Variants in HFM1 observed in about 807,000 individuals in gnomAD.
HFM1 encodes the protein helicase for meiosis 1, also known as probable ATP-dependent DNA helicase HFM1.
Under a neutral mutation model 192.1 loss-of-function variants are expected in HFM1, and 169 were observed. The ratio of observed to expected loss-of-function variants is 0.88; its 90% CI spans 0.78 to 1.00. HFM1 has a LOEUF of 1.00. Among genes scored for constraint, HFM1 ranks in the 50% least tolerant of loss-of-function variants. The pLI, the probability that HFM1 is intolerant of heterozygous loss-of-function variation, is 0.00. For synonymous variants in HFM1, 525 were observed against 537.8 expected (o/e 0.98, Z 0.33); for missense variants, 1,661 against 1,668.0 (o/e 1.00, Z 0.07).
At position 91,385,842 on chromosome 1, in the gene HFM1, CAA is replaced by C; in HGVS notation, c.495-10_495-9del. On this transcript the variant is annotated splice_polypyrimidine_tract_variant and intron_variant, in intron 4 of 38. Coordinates refer to ENST00000370425, the MANE Select transcript of HFM1 (RefSeq NM_001017975.6). ...TCAGATATTTTAAATAATCTGCAAA[CAA>C]AAAAAAGACCCACATATTTTCTCAC... 1 of 1,571,586 alleles carries C rather than the reference CAA, an allele frequency of 6.4e-7. No individual in the cohort carries two copies. The highest frequency in any genetic ancestry group is 8.6e-7 in the Non-Finnish European group (1 of 1,159,268).
chr1:91,273,087 G>T (rs1666468551), intron 34 of HFM1, among the ~76,000 whole-genome samples: 1 of 151,908 alleles, frequency 6.6e-6, no homozygotes, highest in Non-Finnish European at 1.5e-5. Context: ...GATGAACCAG[G>T]CAGTGTTGAA....
chr1:91,401,460 A>G (rs1571254065), intron 1 of HFM1, among the ~76,000 whole-genome samples: 1 of 152,370 alleles, frequency 6.6e-6, no homozygotes, highest in East Asian at 1.9e-4. Flanking sequence ...TCCTCAAGGC[A>G]GAATTAATCA....
At chr1:91,334,017 G>A (rs1654215465) in intron 20 of HFM1, among the ~76,000 whole-genome samples, 2 of 152,210 alleles carry the variant, frequency 1.3e-5, no homozygotes, top group African/African-American at 2.4e-5. Flanking sequence ...TGGATCTTGA[G>A]AAGGGTTTTT....
chr1:91,268,103 T>C (rs2100709347), intron 34 of HFM1, among the ~76,000 whole-genome samples: 1 of 152,182 alleles, frequency 6.6e-6, no homozygotes, highest in East Asian at 1.9e-4. Flanking sequence ...GTAATAGTTT[T>C]CAAAGGCATT....
At chr1:91,290,084 G>A (rs987167323) in intron 30 of HFM1, among the ~76,000 whole-genome samples, 10 of 152,020 alleles carry the variant, frequency 6.6e-5, no homozygotes, top group African/African-American at 1.5e-4. Flanking sequence ...GGTACCAGCC[G>A]CTGCAAAATC....
intron 32 of HFM1, among the ~76,000 whole-genome samples, chr1:91,275,158 A>G (rs1418678000): frequency 1.3e-5 from 2 of 152,000 alleles, no homozygotes; most frequent in African/African-American, 4.8e-5. Flanking sequence ...TAATTTTTGT[A>G]TTTTTAGTAG....
chr1:91,266,679 G>A (rs1168777133), intron 35 of HFM1, among the ~76,000 whole-genome samples: 1 of 152,184 alleles, frequency 6.6e-6, no homozygotes, highest in Non-Finnish European at 1.5e-5. Context: ...TATTGAGACT[G>A]ATTTTCCCAG....
chr1:91,346,030 A>C (rs948086626), intron 19 of HFM1, among the ~76,000 whole-genome samples: 2 of 152,200 alleles, frequency 1.3e-5, no homozygotes, highest in South Asian at 2.1e-4. Context: ...AACTTTGATT[A>C]AATAAATTTG....
intron 4 of HFM1, among the ~76,000 whole-genome samples, chr1:91,389,755 C>T (rs187120061): frequency 2.0e-5 from 3 of 152,100 alleles, no homozygotes; most frequent in Non-Finnish European, 4.4e-5. Context: ...AAATGAGATA[C>T]ACCACAATGA....
At chr1:91,392,131 A>G (rs1201548986) in intron 4 of HFM1, among the ~76,000 whole-genome samples, 8 of 152,054 alleles carry the variant, frequency 5.3e-5, no homozygotes, top group African/African-American at 1.7e-4. Context: ...AAATAGGAAC[A>G]CTTTTACACT....
intron 11 of HFM1, among the ~76,000 whole-genome samples, chr1:91,377,168 A>G (rs1339940467): frequency 2.6e-5 from 4 of 151,904 alleles, no homozygotes; most frequent in Non-Finnish European, 5.9e-5. Context: ...TGCTTCCTAC[A>G]TGTGTAAAGA....
chr1:91,341,635 A>C (rs75839918), intron 20 of HFM1, among the ~76,000 whole-genome samples: 2,727 of 152,270 alleles, frequency 0.018, 38 homozygotes, highest in Non-Finnish European at 0.029. Context: ...ACAAATGATC[A>C]ACAAAACCAG....
intron 25 of HFM1, among the ~76,000 whole-genome samples, chr1:91,317,912 G>T (rs909933936): frequency 6.7e-6 from 1 of 149,636 alleles, no homozygotes; most frequent in African/African-American, 2.5e-5. Context: ...GCTTTTTTCT[G>T]TTCAGCTGTA....
intron 27 of HFM1, 60 bp from the exon 28 acceptor site, chr1:91,316,032 G>T (rs1651155647): frequency 2.0e-6 from 3 of 1,470,080 alleles, no homozygotes. Context: ...ATACTCAGCT[G>T]AAGCCTATTT....
At chr1:91,392,139 A>G (rs1258860193) in intron 4 of HFM1, among the ~76,000 whole-genome samples, 18 of 152,158 alleles carry the variant, frequency 1.2e-4, no homozygotes, top group African/African-American at 4.3e-4. Flanking sequence ...ACACTTTTAC[A>G]CTGTTGGTGG....
At chr1:91,282,991 T>C (rs578178772) in intron 30 of HFM1, among the ~76,000 whole-genome samples, 2 of 152,308 alleles carry the variant, frequency 1.3e-5, no homozygotes, top group Middle Eastern at 3.4e-3. Flanking sequence ...AAGGCAAAGT[T>C]GGCAAGTCTT....
chr1:91,335,610 C>G (rs562461314), intron 20 of HFM1, among the ~76,000 whole-genome samples: 1 of 152,064 alleles, frequency 6.6e-6, no homozygotes, highest in Non-Finnish European at 1.5e-5. Context: ...AATATTCTTA[C>G]AGGAAATTCA....
In HFM1 at chr1:91,353,075, T is replaced by C. The variant is rs201052208; in HGVS notation, c.1807A>G (p.Thr603Ala). 19 of 1,606,972 alleles carry C rather than the reference T, an allele frequency of 1.2e-5. No individual in the cohort carries two copies. Among genetic ancestry groups the C allele is most frequent in the Non-Finnish European group, 1.6e-5 (19 of 1,174,248 alleles). Residue 603 changes from threonine to alanine, a missense_variant, in exon 15 of 39, where the codon ACT (threonine) becomes GCT (alanine). Transcript: ENST00000370425. ...CAAAGAACTGGTAAATCTCCAACAG[T>C]AAAAGCTCCCTCAACTACTTTTCTA... ...SDRKVVEGAF[T>A]VGDLPVLFTT...
intron 20 of HFM1, among the ~76,000 whole-genome samples, chr1:91,334,578 G>A (rs1375951380): frequency 2.0e-5 from 3 of 152,104 alleles, no homozygotes; most frequent in Admixed American, 2.0e-4. Flanking sequence ...GATTGGTTGT[G>A]GGTAGGAGTA....
Sources: gnomAD v4.1 joint callset for allele counts (sites outside exome capture counted in the v4.1 genomes callset) on GRCh38, gnomAD v4.1.1 for gene constraint, MANE v1.5 for transcripts, NCBI Gene and HGNC (gene_info 2026-07-23, HGNC 2026-07-21) for gene names.